The following CLIP2 variants were observed in gnomAD, a reference collection of about 807,000 sequenced individuals.
CLIP2 encodes CAP-Gly domain-containing linker protein 2.
CLIP2 carries 41 observed loss-of-function variants against 111.7 expected under a neutral mutation model. That is an observed-to-expected ratio of 0.37 (90% CI 0.29 to 0.48). CLIP2 has a LOEUF of 0.48. Among genes scored for constraint, CLIP2 ranks in the 20% least tolerant of loss-of-function variants. The probability of loss-of-function intolerance (pLI) is 0.99; values close to 1 mark genes in which losing one functional copy is unlikely to be tolerated. For missense variants in CLIP2, 1,160 were observed against 1,422.1 expected, an observed-to-expected ratio of 0.82 and a Z score of 2.96; for synonymous variants, 660 against 644.2, an observed-to-expected ratio of 1.02 and a Z score of -0.37.
rs1554308472 is a variant in CLIP2 at position 74,356,417 on chromosome 7, C to A, written c.811C>A (p.Gln271Lys). 1 of 1,614,180 alleles carries A rather than the reference C, an allele frequency of 6.2e-7. No individual in the cohort carries two copies. Among genetic ancestry groups the A allele is most frequent in the East Asian group, 2.2e-5 (1 of 44,886 alleles). The change falls in exon 5 of 17, where the codon CAG becomes AAG. Residue 271 changes from glutamine (Q) to lysine (K), a missense_variant. Transcript: ENST00000223398. ...TCTCTCCTGCTTCCACAGGTACTTC[C>A]AGTGCCCACCCAAGTTTGGTCTCTT... ...DGAVAGTRYF[Q>K]CPPKFGLFAP...
chr7:74,329,089 T>TG (rs1554730988), intron 2 of CLIP2, among the ~76,000 whole-genome samples: 1 of 137,374 alleles, frequency 7.3e-6, no homozygotes. Flanking sequence ...TTTTTTTGGT[T>TG]TTTTTTTTTT....
At chr7:74,304,088 T>A (rs969052209) in intron 1 of CLIP2, among the ~76,000 whole-genome samples, 23 of 151,722 alleles carry the variant, frequency 1.5e-4, no homozygotes, top group Non-Finnish European at 2.1e-4. Flanking sequence ...TAATTTTTTT[T>A]TTTTAATAGG....
rs1554732803 is a variant in CLIP2 at position 74,338,910 on chromosome 7, C to T, written c.584C>T (p.Ser195Phe). ...IPLRESVLNS[S>F]VKTGNESGSN... The stretch of plus-strand genomic sequence containing the variant: ...CTGCGGGAGAGCGTCCTCAACAGCT[C>T]CGTGAAGACTGGCAACGAGTCGGGA... Residue 195 changes from serine (S) to phenylalanine (F), a missense_variant, in exon 3 of 17, where the codon TCC (serine) becomes TTC (phenylalanine). By Grantham distance (155) the Ser-to-Phe change is radical (BLOSUM62 -2). Coordinates refer to ENST00000223398, the MANE Select transcript of CLIP2 (RefSeq NM_003388.5). This position sits in a 1 kb window ranked among gnomAD's most constrained non-coding sequence, Gnocchi z 4.3. The T allele has an allele frequency of 6.2e-7, 1 of 1,603,626 alleles. No individual in the cohort carries two copies. The highest frequency in any genetic ancestry group is 8.5e-7 in the Non-Finnish European group (1 of 1,179,878).
intron 2 of CLIP2, among the ~76,000 whole-genome samples, chr7:74,332,764 C>T (rs553931698): frequency 1.3e-5 from 2 of 152,288 alleles, no homozygotes; most frequent in Non-Finnish European, 2.9e-5. Context: ...TTTTGGGTTC[C>T]TTCCTCAGTT....
chr7:74,372,356 G>T (rs1554312028), intron 8 of CLIP2, among the ~76,000 whole-genome samples: 2 of 132,262 alleles, frequency 1.5e-5, no homozygotes, highest in African/African-American at 5.4e-5. Flanking sequence ...GTATATTTTG[G>T]AAACATCTTG....
At chr7:74,356,300 G>A in intron 4 of CLIP2, 110 bp from the exon 5 acceptor site, 1 of 882,020 alleles carries the variant, frequency 1.1e-6, no homozygotes, top group Non-Finnish European at 1.9e-6. Flanking sequence ...TGGGCCCCAA[G>A]GAGGTGTCTT....
At chr7:74,392,160 C>T (rs1422958475) in intron 13 of CLIP2, among the ~76,000 whole-genome samples, 12 of 150,964 alleles carry the variant, frequency 7.9e-5, no homozygotes, top group African/African-American at 2.9e-4. Flanking sequence ...GACCATCCTG[C>T]CTAACACGAT....
chr7:74,392,434 G>C (rs1791318851), intron 13 of CLIP2, among the ~76,000 whole-genome samples: 1 of 152,044 alleles, frequency 6.6e-6, no homozygotes, highest in Non-Finnish European at 1.5e-5. Context: ...TCAGGAGGCT[G>C]CGGTAGTAGG....
Position 74,307,112 on chromosome 7 carries a change from CA to C in CLIP2, c.-67-10367del, listed in dbSNP as rs1460249455. On this transcript the variant is annotated intron_variant, in intron 1 of 16. Transcript: ENST00000223398. ...TCCCCTTCCGGGTGCTCCTCGGGGA[CA>C]GGGGGGCTGCTCCCCCTCTGCACCC... 4.6e-5 allele frequency among the ~76,000 whole-genome samples: 7 copies of C among 152,324 alleles called. No individual in the cohort carries two copies. The South Asian group carries it at 1.0e-3, about 23-fold the overall frequency.
Position 74,403,984 on chromosome 7 carries a change from GC to G in CLIP2, c.*138del. On this transcript the variant is annotated 3_prime_UTR_variant, in exon 17 of 17. Coordinates refer to ENST00000223398, the MANE Select transcript of CLIP2 (RefSeq NM_003388.5). Reference sequence around the variant, plus strand: ...TGTTTGTAACAATAACGTACTCACCGCCGCGGACAATCCCCCACCCCGATCC... The same window carrying G: ...TGTTTGTAACAATAACGTACTCACCGCGCGGACAATCCCCCACCCCGATCC... The G allele has an allele frequency of 1.0e-6, 1 of 957,336 alleles. No individual in the cohort carries two copies. Among genetic ancestry groups the G allele is most frequent in the Non-Finnish European group, 1.7e-6 (1 of 600,520 alleles). 59.3% of individuals were successfully genotyped at this position (957,336 alleles called of 1,614,324 possible). A position where few individuals can be genotyped will look rare whatever the true frequency, so the allele number is the denominator to read the frequency against.
In CLIP2 at chr7:74,315,020, T is replaced by C. The variant is rs1554728945; in HGVS notation, c.-67-2460T>C. Among the ~76,000 whole-genome samples the C allele has an allele frequency of 2.0e-5, 3 of 152,366 alleles. No individual in the cohort carries two copies. In the South Asian group the frequency reaches 6.2e-4, roughly 32 times the overall value. On this transcript the variant is annotated intron_variant, in intron 1 of 16. Coordinates refer to ENST00000223398, the MANE Select transcript of CLIP2 (RefSeq NM_003388.5). ...GGCCGGGCGTGGTGGCTCACGCCTGTAATCCCAGCACTTTGGGAGGCGAGG... is the reference window on the plus strand; with the variant it reads ...GGCCGGGCGTGGTGGCTCACGCCTGCAATCCCAGCACTTTGGGAGGCGAGG...
At chr7:74,383,095 A>G (rs1227352431) in intron 11 of CLIP2, among the ~76,000 whole-genome samples, 3 of 151,918 alleles carry the variant, frequency 2.0e-5, no homozygotes, top group Non-Finnish European at 4.4e-5. Flanking sequence ...AAAAAAAAAA[A>G]AAAAAATCAA....
At position 74,376,871 on chromosome 7, in the gene CLIP2, G is replaced by C. The variant is rs782189880; in HGVS notation, c.2421+49G>C. On this transcript the variant is annotated intron_variant, in intron 10 of 16. Coordinates refer to ENST00000223398, the MANE Select transcript of CLIP2 (RefSeq NM_003388.5). The surrounding 1 kb of genome is among the most constrained non-coding windows in gnomAD (Gnocchi z 7.1). ...GGGCGGGAGGGTCGGGCTGGGGAGG[G>C]CTTGGCCTTTTGCTGACCTCTGTTC... The C allele has an allele frequency of 6.8e-7, 1 of 1,468,700 alleles. No individual in the cohort carries two copies. Among genetic ancestry groups the C allele is most frequent in the Non-Finnish European group, 9.0e-7 (1 of 1,105,624 alleles). The allele number at this position is 1,468,700 out of a possible 1,614,324, so 91.0% of individuals were successfully genotyped here.
At chr7:74,302,291 C>G (rs1211520909) in intron 1 of CLIP2, among the ~76,000 whole-genome samples, 1 of 152,068 alleles carries the variant, frequency 6.6e-6, no homozygotes, top group Non-Finnish European at 1.5e-5. Context: ...TATCAGCTCA[C>G]TGCAACCTCC....
In CLIP2 at chr7:74,404,465, TGGC is replaced by T. The variant is rs1284770060; in HGVS notation, c.*620_*622del. 1 of 155,300 alleles carries T rather than the reference TGGC, an allele frequency of 6.4e-6. No individual in the cohort carries two copies. The highest frequency in any genetic ancestry group is 1.4e-5 in the Non-Finnish European group (1 of 69,812). 9.6% of individuals were successfully genotyped at this position (155,300 alleles called of 1,614,324 possible). A position where few individuals can be genotyped will look rare whatever the true frequency, so the allele number is the denominator to read the frequency against. Reference sequence around the variant, plus strand: ...AGCGAGGCCCCCAGGTTCAAGGTGTTGGCGGGGGCGGAGGGCAGGGGAACGGGA... The same window carrying T: ...AGCGAGGCCCCCAGGTTCAAGGTGTTGGGGGCGGAGGGCAGGGGAACGGGA... On this transcript the variant is annotated 3_prime_UTR_variant, in exon 17 of 17. Coordinates refer to ENST00000223398, the MANE Select transcript of CLIP2 (RefSeq NM_003388.5).
intron 1 of CLIP2, among the ~76,000 whole-genome samples, chr7:74,315,770 C>T (rs1788752350): frequency 1.3e-5 from 2 of 151,982 alleles, no homozygotes; most frequent in Non-Finnish European, 2.9e-5. Flanking sequence ...GGGGTTTCCG[C>T]CACGTTGGCC....
intron 2 of CLIP2, among the ~76,000 whole-genome samples, chr7:74,321,199 C>A (rs782515585): frequency 2.6e-5 from 4 of 152,168 alleles, no homozygotes. Flanking sequence ...AGATTAATTT[C>A]TTTCCCTTTC....
Position 74,403,848 on chromosome 7 carries a change from A to G in CLIP2, c.3141A>G (p.Ter1047TrpextTer2). The change falls in exon 17 of 17, where the codon TGA becomes TGG. Residue 1047 changes from the stop codon to tryptophan, a stop_lost. Transcript: ENST00000223398. The part of the protein sequence containing the change: ...DKAQKQEDKH[*>W] ...TTTACTCTCTCTAGGACAAGCACTG[A>G]TCCTGAGGGGATACTGTGGAGCAGC... 6.2e-7 allele frequency: 1 copy of G among 1,613,224 alleles called. No homozygotes were observed. The highest frequency in any genetic ancestry group is 1.1e-5 in the South Asian group (1 of 91,066).
At chr7:74,298,045 C>T (rs1788223324) in intron 1 of CLIP2, among the ~76,000 whole-genome samples, 1 of 152,054 alleles carries the variant, frequency 6.6e-6, no homozygotes, top group South Asian at 2.1e-4. Flanking sequence ...AGATCTTGCC[C>T]TCCTAAAGCT....
Sources: allele counts gnomAD v4.1 joint callset (sites outside exome capture counted in the v4.1 genomes callset), GRCh38; gene constraint gnomAD v4.1.1; non-coding constraint Gnocchi (gnomAD v3.1); transcripts MANE v1.5; gene names NCBI Gene and HGNC (gene_info 2026-07-23, HGNC 2026-07-21).